KLF12: variants seen among roughly 807,000 people sequenced by gnomAD.
The protein encoded by KLF12 is KLF transcription factor 12, also known as Krueppel-like factor 12.
A neutral mutation model predicts 37.8 loss-of-function variants in KLF12; 9 were observed. The ratio of observed to expected loss-of-function variants is 0.24; its 90% CI spans 0.14 to 0.42. The LOEUF (loss-of-function observed/expected upper bound fraction) is 0.42. Among genes scored for constraint, KLF12 ranks in the 10% least tolerant of loss-of-function variants. KLF12 has a pLI of 1.00. For synonymous variants in KLF12, 208 were observed against 202.1 expected (o/e 1.03, Z -0.25); for missense variants, 411 against 516.0 (o/e 0.80, Z 1.97).
At chr13:74,031,332 T>C (rs1893106115) in intron 1 of KLF12, among the ~76,000 whole-genome samples, 1 of 152,196 alleles carries the variant, frequency 6.6e-6, no homozygotes, top group Non-Finnish European at 1.5e-5. Context: ...TGCTTTGTTC[T>C]GAATTACCAG....
At chr13:73,827,831 G>A (rs1368103090) in intron 4 of KLF12, among the ~76,000 whole-genome samples, 9 of 151,252 alleles carry the variant, frequency 6.0e-5, no homozygotes, top group Admixed American at 5.3e-4. Context: ...CCAAAGTGCT[G>A]GGATTACAAG....
chr13:73,920,565 C>T (rs1467378273), intron 3 of KLF12, among the ~76,000 whole-genome samples: 2 of 152,190 alleles, frequency 1.3e-5, no homozygotes, highest in Admixed American at 1.3e-4. Flanking sequence ...CTCCTGTCCA[C>T]AGAATTCTCT....
chr13:74,205,961 G>A, the KLF12 span, among the ~76,000 whole-genome samples: 1 of 152,266 alleles, frequency 6.6e-6, no homozygotes, highest in East Asian at 1.9e-4. Context: ...TGGAGGTAAT[G>A]TCTGACACAG....
chr13:74,237,420 C>T, the KLF12 span, among the ~76,000 whole-genome samples: 34 of 139,284 alleles, frequency 2.4e-4, no homozygotes, highest in Admixed American at 8.2e-4. Context: ...GATTTGGCGA[C>T]GCGGGCTCTT....
intron 5 of KLF12, among the ~76,000 whole-genome samples, chr13:73,811,929 T>A (rs1420710997): frequency 6.6e-6 from 1 of 152,208 alleles, no homozygotes; most frequent in Admixed American, 6.5e-5. Flanking sequence ...GGCTCTCTTT[T>A]CTTTGTTTTT....
intron 6 of KLF12, among the ~76,000 whole-genome samples, chr13:73,732,155 C>T (rs1877111125): frequency 6.7e-6 from 1 of 149,310 alleles, no homozygotes; most frequent in Admixed American, 6.7e-5. Flanking sequence ...GTGATCTCGA[C>T]TCACTGCAAC....
chr13:73,980,357 C>A (rs1891659612), intron 2 of KLF12, among the ~76,000 whole-genome samples: 1 of 152,112 alleles, frequency 6.6e-6, no homozygotes, highest in Non-Finnish European at 1.5e-5. Context: ...GAAAAAGATT[C>A]TAACATAGCT....
chr13:74,299,018 T>C, the KLF12 span, among the ~76,000 whole-genome samples: 9 of 152,270 alleles, frequency 5.9e-5, no homozygotes, highest in East Asian at 1.7e-3. Context: ...AATGGGTAAG[T>C]AGGACCATGG....
At chr13:74,150,198 AT>A in the KLF12 span, among the ~76,000 whole-genome samples, 1 of 152,264 alleles carries the variant, frequency 6.6e-6, no homozygotes, top group African/African-American at 2.4e-5. Context: ...GATGCTCAAT[AT>A]ATATCTACTG....
chr13:74,289,206 G>T, the KLF12 span: 8 of 152,114 alleles, frequency 5.3e-5, no homozygotes, highest in Non-Finnish European at 8.8e-5. Flanking sequence ...CACTACCTTT[G>T]GTCCAGCCAG....
chr13:74,224,401 C>G, the KLF12 span, among the ~76,000 whole-genome samples: 2 of 152,122 alleles, frequency 1.3e-5, no homozygotes, highest in African/African-American at 4.8e-5. Context: ...GATCTTCTAA[C>G]TTTCTATATG....
At chr13:73,912,408 A>G (rs1436862012) in intron 3 of KLF12, among the ~76,000 whole-genome samples, 1 of 152,206 alleles carries the variant, frequency 6.6e-6, no homozygotes, top group Non-Finnish European at 1.5e-5. Flanking sequence ...TTGCAAAGGT[A>G]ATTAGTTAAG....
At chr13:74,066,659 TTTTAA>T (rs1873934243) in intron 1 of KLF12, among the ~76,000 whole-genome samples, 1 of 152,110 alleles carries the variant, frequency 6.6e-6, no homozygotes, top group South Asian at 2.1e-4. Context: ...TAAATTATAG[TTTTAA>T]TTAAAATATA....
At chr13:73,752,240 C>G (rs1377625622) in intron 6 of KLF12, among the ~76,000 whole-genome samples, 2 of 152,166 alleles carry the variant, frequency 1.3e-5, no homozygotes, top group African/African-American at 4.8e-5. Flanking sequence ...GCATTGGCCT[C>G]CCAAAGTGTT....
chr13:73,750,285 G>C (rs1203674077), intron 6 of KLF12, among the ~76,000 whole-genome samples: 1 of 152,212 alleles, frequency 6.6e-6, no homozygotes, highest in Non-Finnish European at 1.5e-5. Flanking sequence ...GAAGTTCTAA[G>C]TTCTAATCCT....
At chr13:73,784,523 C>CT (rs397945791) in intron 5 of KLF12, among the ~76,000 whole-genome samples, 2 of 151,998 alleles carry the variant, frequency 1.3e-5, no homozygotes, top group African/African-American at 4.8e-5. Context: ...GCTGACCCCC[C>CT]ACTCCGCACA....
At chr13:74,118,443 C>A (rs6562800) in intron 1 of KLF12, among the ~76,000 whole-genome samples, 147,288 of 152,290 alleles carry the variant, frequency 0.97, 71,419 homozygotes, top group Middle Eastern at 1. Flanking sequence ...GCATCAAAAA[C>A]ACAAAAAACT....
chr13:74,304,399 G>C, the KLF12 span, among the ~76,000 whole-genome samples: 5 of 152,110 alleles, frequency 3.3e-5, no homozygotes, highest in African/African-American at 1.2e-4. Flanking sequence ...TTATGATGTA[G>C]AAAGCAAAGC....
chr13:74,190,982 G>A, the KLF12 span, among the ~76,000 whole-genome samples: 1 of 152,102 alleles, frequency 6.6e-6, no homozygotes, highest in South Asian at 2.1e-4. Context: ...CAGTTACTCT[G>A]CCAGTGACCT....
Sources: allele counts gnomAD v4.1 joint callset (sites outside exome capture counted in the v4.1 genomes callset), GRCh38; gene constraint gnomAD v4.1.1; transcripts MANE v1.5; gene names NCBI Gene and HGNC (gene_info 2026-07-23, HGNC 2026-07-21).